Variants in PDE1B observed in about 807,000 individuals in gnomAD.
The protein encoded by PDE1B is phosphodiesterase 1B, also known as dual specificity calcium/calmodulin-dependent 3',5'-cyclic nucleotide phosphodiesterase 1B.
PDE1B carries 13 observed loss-of-function variants against 66.7 expected under a neutral mutation model. The ratio of observed to expected loss-of-function variants is 0.19; its 90% CI spans 0.13 to 0.31. PDE1B has a LOEUF of 0.31. PDE1B is among the 10% of genes least tolerant of loss of function. The pLI is 1.00. For synonymous variants in PDE1B, 230 were observed against 253.9 expected (o/e 0.91, Z 0.90); for missense variants, 485 against 682.3 (o/e 0.71, Z 3.22).
Position 54,567,028 on chromosome 12 carries a change from G to A in PDE1B, c.168G>A (p.Leu56=). Residue 56 remains leucine (L), a synonymous_variant, in exon 3 of 16, where the codon CTG becomes CTA. Transcript: ENST00000243052. ...ATGGGGAGATAAACATTGAGGAGCT[G>A]AAGAAAAATCTGGAGTACACAGCTT... is the stretch of plus-strand genomic sequence containing the variant. ...LENGEINIEE[L]KKNLEYTASL... 1 of 1,612,756 alleles carries A rather than the reference G, an allele frequency of 6.2e-7. No homozygotes were observed. Among genetic ancestry groups the A allele is most frequent in the South Asian group, 1.1e-5 (1 of 90,784 alleles).
chr12:54,561,765 T>C, intron 2 of PDE1B: 2 of 417,640 alleles, frequency 4.8e-6, no homozygotes, highest in Non-Finnish European at 4.4e-6. Flanking sequence ...TTTGTGCGTG[T>C]GTGTGTGTGT....
rs1179978239 is a variant in PDE1B, at chr12:54,573,000, A to G, written c.736-148A>G. The stretch of plus-strand genomic sequence containing the variant: ...ATGGAGGAAGGTCCTTGGCCATTTC[A>G]GGAGCTGAGAAACCTGGCTGCATTA... On this transcript the variant is annotated intron_variant, in intron 7 of 15. Coordinates refer to ENST00000243052, the MANE Select transcript of PDE1B (RefSeq NM_000924.4). The G allele has an allele frequency of 1.6e-5, 11 of 699,784 alleles. No individual in the cohort carries two copies. In the East Asian group the frequency reaches 2.4e-4, roughly 15 times the overall value. The allele number at this position is 699,784 out of a possible 1,614,324, so 43.3% of individuals were successfully genotyped here.
In PDE1B at chr12:54,575,143, C is replaced by T. The variant is rs1957709544; in HGVS notation, c.1110C>T (p.Asp370=). 1.2e-6 allele frequency: 2 copies of T among 1,613,728 alleles called. No individual in the cohort carries two copies. Among genetic ancestry groups the T allele is most frequent in the Non-Finnish European group, 8.5e-7 (1 of 1,179,674 alleles). The part of the protein sequence containing the change: ...KALSLLLHAA[D]ISHPTKQWLV... ...TGTCTCTACTGCTCCATGCTGCTGACATCAGCCACCCAACCAAGCAGTGGT... is the reference window on the plus strand; with the variant it reads ...TGTCTCTACTGCTCCATGCTGCTGATATCAGCCACCCAACCAAGCAGTGGT... Residue 370 remains aspartate (D), a synonymous_variant, in exon 11 of 16, where the codon GAC becomes GAT. Coordinates refer to ENST00000243052, the MANE Select transcript of PDE1B (RefSeq NM_000924.4). This position sits in a 1 kb window ranked among gnomAD's most constrained non-coding sequence, Gnocchi z 4.0.
Position 54,573,307 on chromosome 12 carries a change from G to A in PDE1B, c.837-48G>A, listed in dbSNP as rs775811668. The A allele has an allele frequency of 1.2e-5, 20 of 1,613,596 alleles. No homozygotes were observed. Among genetic ancestry groups the A allele is most frequent in the Middle Eastern group, 1.6e-4 (1 of 6,084 alleles). ...GCCAAGAGGAGGTGGGGAGGTTGCC[G>A]GAGTCCCTCCTTACAGGGGGTGGTC... On this transcript the variant is annotated intron_variant, in intron 8 of 15. Coordinates refer to ENST00000243052, the MANE Select transcript of PDE1B (RefSeq NM_000924.4). This position sits in a 1 kb window ranked among gnomAD's most constrained non-coding sequence, Gnocchi z 5.2.
chr12:54,550,066 G>A, intron 2 of PDE1B, 81 bp downstream of exon 2: 1 of 1,529,808 alleles, frequency 6.5e-7, no homozygotes, highest in Admixed American at 2.0e-5. Context: ...CTGGAGCAGG[G>A]CTGTGGGCTG....
chr12:54,558,431 C>T (rs946436225), intron 2 of PDE1B, among the ~76,000 whole-genome samples: 1 of 151,932 alleles, frequency 6.6e-6, no homozygotes, highest in African/African-American at 2.4e-5. Flanking sequence ...AGGATGGCAA[C>T]CCAGCTTTGC....
In PDE1B at chr12:54,576,002, C is replaced by T. The variant is rs766346314; in HGVS notation, c.1278C>T (p.Asp426=). The change falls in exon 13 of 16, where the codon GAC becomes GAT. Residue 426 remains aspartate (D), a synonymous_variant. Coordinates refer to ENST00000243052, the MANE Select transcript of PDE1B (RefSeq NM_000924.4). ...GCTCCTCCACTGCAGGGTTCATCGA[C>T]TTCATTGTGGAGCCCACATTCTCTG... ...LVAQSQIGFI[D]FIVEPTFSVL... The T allele has an allele frequency of 1.9e-6, 3 of 1,612,244 alleles. No individual in the cohort carries two copies. The highest frequency in any genetic ancestry group is 2.5e-6 in the Non-Finnish European group (3 of 1,178,238).
rs543311534 is a variant in PDE1B at position 54,575,574 on chromosome 12, C to A, written c.1209C>A (p.Gly403=). 1 of 1,613,232 alleles carries A rather than the reference C, an allele frequency of 6.2e-7. No homozygotes were observed. Among genetic ancestry groups the A allele is most frequent in the Admixed American group, 1.7e-5 (1 of 60,004 alleles). ...AGGGTGACAAGGAGGCAGAGTTGGGCCTGCCCTTTTCTCCACTCTGTGACC... is the reference window on the plus strand; with the variant it reads ...AGGGTGACAAGGAGGCAGAGTTGGGACTGCCCTTTTCTCCACTCTGTGACC... ...FRQGDKEAEL[G]LPFSPLCDRT... Residue 403 remains glycine (G), a synonymous_variant, in exon 12 of 16, where the codon GGC becomes GGA. Coordinates refer to ENST00000243052, the MANE Select transcript of PDE1B (RefSeq NM_000924.4). This position sits in a 1 kb window ranked among gnomAD's most constrained non-coding sequence, Gnocchi z 4.0.
chr12:54,577,275 G>GC lies in PDE1B; in HGVS notation c.1565dup (p.Ser523IlefsTer6), dbSNP rs780236743. The GC allele has an allele frequency of 1.7e-5, 27 of 1,613,644 alleles. No homozygotes were observed. The highest frequency in any genetic ancestry group is 1.6e-4 in the South Asian group (15 of 91,048). ...CGAGCTGTCCCCCTGTGAAGAAGAG[G>GC]CCCCCCCATCCCCTGCCGAAGATGA... On this transcript the variant is annotated frameshift_variant, in exon 15 of 16. Coordinates refer to ENST00000243052, the MANE Select transcript of PDE1B (RefSeq NM_000924.4). LOFTEE classifies it high-confidence loss of function.
intron 2 of PDE1B, among the ~76,000 whole-genome samples, chr12:54,554,820 TATC>T (rs1330713632): frequency 2.0e-5 from 3 of 152,202 alleles, no homozygotes; most frequent in African/African-American, 7.2e-5. Flanking sequence ...CTTCATTTAA[TATC>T]ATCATGTAAA....
chr12:54,551,653 C>A (rs1479800158), intron 2 of PDE1B, among the ~76,000 whole-genome samples: 2 of 152,084 alleles, frequency 1.3e-5, no homozygotes, highest in African/African-American at 2.4e-5. Flanking sequence ...CAGGGCCCTG[C>A]GAAAGAGTGG....
At chr12:54,562,086 C>A (rs1957427438) in intron 2 of PDE1B, among the ~76,000 whole-genome samples, 2 of 152,178 alleles carry the variant, frequency 1.3e-5, no homozygotes, top group African/African-American at 4.8e-5. Context: ...AAAATCTTCA[C>A]ATCACTGTTC....
At chr12:54,576,889 G>A (rs1957762387) in intron 14 of PDE1B, 188 bp downstream of exon 14, 1 of 645,976 alleles carries the variant, frequency 1.5e-6, no homozygotes, top group Non-Finnish European at 2.7e-6. Context: ...CTAAGAATGG[G>A]GGCCGTAGAG....
Position 54,575,631 on chromosome 12 carries a change from A to G in PDE1B, c.1266A>G (p.Ile422Met), listed in dbSNP as rs776017508. ...CCACTCTAGTGGCACAGTCTCAGAT[A>G]GGTGAGTGTCCTCTCCTGCAGGAAG... is the stretch of plus-strand genomic sequence containing the variant. ...RTSTLVAQSQ[I>M]GFIDFIVEPT... The change falls in exon 12 of 16, where the codon ATA becomes ATG. Residue 422 changes from isoleucine to methionine, a missense_variant and splice_region_variant. By Grantham distance (10) the Ile-to-Met change is conservative. Coordinates refer to ENST00000243052, the MANE Select transcript of PDE1B (RefSeq NM_000924.4). This position sits in a 1 kb window ranked among gnomAD's most constrained non-coding sequence, Gnocchi z 4.0. 9 of 1,602,888 alleles carry G rather than the reference A, an allele frequency of 5.6e-6. No individual in the cohort carries two copies. Among genetic ancestry groups the G allele is most frequent in the Non-Finnish European group, 7.7e-6 (9 of 1,170,948 alleles).
intron 2 of PDE1B, among the ~76,000 whole-genome samples, chr12:54,551,792 G>T (rs1957281488): frequency 6.6e-6 from 1 of 152,176 alleles, no homozygotes; most frequent in Admixed American, 6.5e-5. Context: ...AAGGAGGCAT[G>T]AAACCTGGGA....
chr12:54,566,095 G>A (rs1957510410), intron 2 of PDE1B, among the ~76,000 whole-genome samples: 1 of 152,148 alleles, frequency 6.6e-6, no homozygotes, highest in Admixed American at 6.5e-5. Flanking sequence ...TGACTGCCTG[G>A]GCTGAACTCA....
chr12:54,577,684 C>A (rs968014934), intron 15 of PDE1B, 176 bp from the exon 16 acceptor site: 1 of 852,234 alleles, frequency 1.2e-6, no homozygotes, highest in Admixed American at 3.3e-5. Context: ...GTGAGGGCAG[C>A]TGAACGTGAC....
chr12:54,563,824 A>C (rs933216977), intron 2 of PDE1B, among the ~76,000 whole-genome samples: 1 of 152,216 alleles, frequency 6.6e-6, no homozygotes, highest in African/African-American at 2.4e-5. Context: ...AGTTTAGTGT[A>C]TATTAGAATA....
At chr12:54,577,035 G>A in intron 14 of PDE1B, 190 bp from the exon 15 acceptor site, 5 of 622,908 alleles carry the variant, frequency 8.0e-6, no homozygotes, top group Non-Finnish European at 1.4e-5. Context: ...GGGGGTGGTA[G>A]GGTGGTGTTG....
Sources: allele counts gnomAD v4.1 joint callset (sites outside exome capture counted in the v4.1 genomes callset), GRCh38; gene constraint gnomAD v4.1.1; non-coding constraint Gnocchi (gnomAD v3.1); transcripts MANE v1.5; gene names NCBI Gene and HGNC (gene_info 2026-07-23, HGNC 2026-07-21).